PPP4R3B: variants seen among roughly 807,000 people sequenced by gnomAD.
PPP4R3B encodes the protein protein phosphatase 4 regulatory subunit 3B.
Under a neutral mutation model 95.4 loss-of-function variants are expected in PPP4R3B, and 52 were observed. The observed-to-expected ratio is 0.54, with a 90% confidence interval of 0.44 to 0.69. The LOEUF (loss-of-function observed/expected upper bound fraction) is 0.69. PPP4R3B is among the 30% of genes least tolerant of loss of function. The pLI, the probability that PPP4R3B is intolerant of heterozygous loss-of-function variation, is 0.00. For missense variants in PPP4R3B, 1,003 were observed against 1,005.9 expected (o/e 1.00, Z 0.04); for synonymous variants, 407 against 343.9 (o/e 1.18, Z -2.03).
At chr2:55,612,899 T>A (rs1480493504) in intron 2 of PPP4R3B, among the ~76,000 whole-genome samples, 4 of 148,266 alleles carry the variant, frequency 2.7e-5, no homozygotes, top group African/African-American at 5.0e-5. Context: ...TGAGCAGAAA[T>A]CGCACCACCA....
chr2:55,579,363 C>T (rs182503635), intron 9 of PPP4R3B, among the ~76,000 whole-genome samples: 1 of 151,618 alleles, frequency 6.6e-6, no homozygotes, highest in African/African-American at 2.4e-5. Context: ...TGATAAGTGT[C>T]TACATATCAA....
chr2:55,612,026 C>G (rs1259963917), intron 2 of PPP4R3B, among the ~76,000 whole-genome samples: 2 of 152,144 alleles, frequency 1.3e-5, no homozygotes, highest in African/African-American at 4.8e-5. Flanking sequence ...AGCCACCATG[C>G]CTGCCATAGT....
At chr2:55,606,666 T>C (rs1693444812) in intron 2 of PPP4R3B, among the ~76,000 whole-genome samples, 2 of 151,758 alleles carry the variant, frequency 1.3e-5, no homozygotes, top group African/African-American at 4.8e-5. Flanking sequence ...CTACTAAAAA[T>C]ACCAGAATTA....
chr2:55,554,291 C>T (rs1685576166), intron 16 of PPP4R3B, among the ~76,000 whole-genome samples: 1 of 152,166 alleles, frequency 6.6e-6, no homozygotes, highest in East Asian at 1.9e-4. Flanking sequence ...TGGGCTCAAG[C>T]GATGCTCCTG....
At chr2:55,586,202 T>C (rs1165229372) in intron 6 of PPP4R3B, among the ~76,000 whole-genome samples, 1 of 152,178 alleles carries the variant, frequency 6.6e-6, no homozygotes, top group Admixed American at 6.5e-5. Flanking sequence ...CTTTAAAAAT[T>C]TGTTTTAATT....
intron 13 of PPP4R3B, 31 bp downstream of exon 13, chr2:55,568,163 A>C: frequency 7.3e-7 from 1 of 1,369,654 alleles, no homozygotes; most frequent in Non-Finnish European, 9.6e-7. Flanking sequence ...ATATAATTAC[A>C]TATAATAACA....
chr2:55,557,116 G>C (rs1039674100), intron 16 of PPP4R3B, among the ~76,000 whole-genome samples: 47 of 152,168 alleles, frequency 3.1e-4, no homozygotes, highest in South Asian at 8.3e-4. Context: ...AAGGCCCAGA[G>C]AGATTAAATA....
chr2:55,567,433 T>G (rs1687453908), intron 13 of PPP4R3B, among the ~76,000 whole-genome samples: 1 of 152,152 alleles, frequency 6.6e-6, no homozygotes, highest in Non-Finnish European at 1.5e-5. Flanking sequence ...TTTTTTTTTT[T>G]GAGACAAGAG....
Position 55,558,785 on chromosome 2 carries a change from G to A in PPP4R3B, c.2444C>T (p.Thr815Ile), listed in dbSNP as rs1574676952. The change falls in exon 16 of 17, where the codon ACA (threonine) becomes ATA (isoleucine). Residue 815 changes from threonine to isoleucine, a missense_variant. Thr to Ile is a moderately conservative substitution (Grantham distance 89). Coordinates refer to ENST00000616407, the MANE Select transcript of PPP4R3B (RefSeq NM_001122964.3). ...TGCTGTTTCACCTACCTTGGTGGCT[G>A]TTACTGACGTAGGCAAGTTTGTGGT... Reference protein sequence around the residue: ...SKTTNLPTSVTATKGSLVGLV... With the variant: ...SKTTNLPTSVIATKGSLVGLV... 1.0e-5 allele frequency: 16 copies of A among 1,606,922 alleles called. No individual in the cohort carries two copies. Among genetic ancestry groups the A allele is most frequent in the Non-Finnish European group, 1.4e-5 (16 of 1,175,478 alleles).
chr2:55,583,352 C>G (rs1574800355), intron 7 of PPP4R3B, among the ~76,000 whole-genome samples: 1 of 151,784 alleles, frequency 6.6e-6, no homozygotes, highest in East Asian at 1.9e-4. Flanking sequence ...AATGAAACCC[C>G]TAGAAGGTTG....
At chr2:55,577,024 T>C (rs1688772137) in intron 11 of PPP4R3B, among the ~76,000 whole-genome samples, 1 of 152,234 alleles carries the variant, frequency 6.6e-6, no homozygotes, top group African/African-American at 2.4e-5. Flanking sequence ...AAGTAATTGG[T>C]TTTAGTTTAC....
intron 10 of PPP4R3B, among the ~76,000 whole-genome samples, chr2:55,578,021 A>T (rs955953002): frequency 6.6e-6 from 1 of 152,136 alleles, no homozygotes; most frequent in Non-Finnish European, 1.5e-5. Flanking sequence ...ATTATGTAGG[A>T]GTTAAAAATA....
chr2:55,564,650 G>A (rs1251538353), intron 14 of PPP4R3B, among the ~76,000 whole-genome samples, 153 bp from the exon 15 acceptor site: 1 of 152,136 alleles, frequency 6.6e-6, no homozygotes, highest in Non-Finnish European at 1.5e-5. Flanking sequence ...AGAAGATGTA[G>A]CCAGAGAACA....
At position 55,548,471 on chromosome 2, in the gene PPP4R3B, T is replaced by C. The variant is rs1684929079; in HGVS notation, c.*1440A>G. 1 of 152,682 alleles carries C rather than the reference T, an allele frequency of 6.5e-6. No homozygotes were observed. The highest frequency in any genetic ancestry group is 2.1e-4 in the South Asian group (1 of 4,834). 9.5% of individuals were successfully genotyped at this position (152,682 alleles called of 1,614,324 possible). A position where few individuals can be genotyped will look rare whatever the true frequency, so the allele number is the denominator to read the frequency against. ...AAATGGTGTAAAACAAGTACAGTGG[T>C]ATTTTTTAATACAAAATAAACATCT... On this transcript the variant is annotated 3_prime_UTR_variant, in exon 17 of 17. Transcript: ENST00000616407.
chr2:55,597,312 C>T (rs1691928068), intron 4 of PPP4R3B, among the ~76,000 whole-genome samples: 1 of 151,500 alleles, frequency 6.6e-6, no homozygotes, highest in Non-Finnish European at 1.5e-5. Flanking sequence ...CATGGAGAAA[C>T]CCCCCTCTAC....
At chr2:55,588,460 C>T (rs1690473368) in intron 5 of PPP4R3B, among the ~76,000 whole-genome samples, 1 of 150,140 alleles carries the variant, frequency 6.7e-6, no homozygotes. Context: ...TTGTGGTGAG[C>T]CGAGATCGCA....
chr2:55,587,541 G>A (rs376206568), intron 5 of PPP4R3B, among the ~76,000 whole-genome samples: 37 of 152,320 alleles, frequency 2.4e-4, no homozygotes, highest in African/African-American at 8.4e-4. Context: ...TTGAAATCAT[G>A]CCACTGCACT....
chr2:55,595,752 AAAC>A (rs961619501), intron 4 of PPP4R3B, among the ~76,000 whole-genome samples: 2 of 151,764 alleles, frequency 1.3e-5, no homozygotes, highest in African/African-American at 4.8e-5. Context: ...AAAAAAAAAA[AAAC>A]ACAGCCTCAC....
chr2:55,614,246 C>G (rs1694594431), intron 2 of PPP4R3B: 1 of 152,104 alleles, frequency 6.6e-6, no homozygotes, highest in Non-Finnish European at 1.5e-5. Flanking sequence ...TTTCATAAAC[C>G]TTGAAGTGGG....
Sources: gnomAD v4.1 joint callset for allele counts (sites outside exome capture counted in the v4.1 genomes callset) on GRCh38, gnomAD v4.1.1 for gene constraint, MANE v1.5 for transcripts, NCBI Gene and HGNC (gene_info 2026-07-23, HGNC 2026-07-21) for gene names.